Variants in PRTG observed in about 807,000 individuals in gnomAD.
The protein encoded by PRTG is immunoglobulin superfamily, DCC subclass, member 5.
Under a neutral mutation model 122.5 loss-of-function variants are expected in PRTG, and 67 were observed. The observed-to-expected ratio is 0.55, with a 90% CI of 0.45 to 0.67. The LOEUF (loss-of-function observed/expected upper bound fraction) is 0.67, where lower values mean the gene tolerates loss of function less well. Among genes scored for constraint, PRTG ranks in the 30% least tolerant of loss-of-function variants. The pLI is 0.00. For synonymous variants in PRTG, 554 were observed against 501.1 expected, an observed-to-expected ratio of 1.11 and a Z score of -1.41; for missense variants, 1,435 against 1,415.4, an observed-to-expected ratio of 1.01 and a Z score of -0.22.
intron 17 of PRTG, among the ~76,000 whole-genome samples, chr15:55,625,089 CT>C (rs2059187363): frequency 6.6e-6 from 1 of 151,932 alleles, no homozygotes; most frequent in Non-Finnish European, 1.5e-5. Context: ...TGGAGGGAGT[CT>C]AATGACGGGG....
Position 55,615,542 on chromosome 15 carries a change from A to G in PRTG, c.*4470T>C, listed in dbSNP as rs1024691304. On this transcript the variant is annotated 3_prime_UTR_variant, in exon 20 of 20. Transcript: ENST00000389286. The stretch of plus-strand genomic sequence containing the variant: ...TCTAAACATCAATAAAAAAATCACA[A>G]TTAGACAACTGGTTGTATATGGTAG... 1.3e-5 allele frequency: 2 copies of G among 152,274 alleles called. No homozygotes were observed. The highest frequency in any genetic ancestry group is 1.9e-4 in the East Asian group (1 of 5,184). The allele number at this position is 152,274 out of a possible 1,614,324, so 9.4% of individuals were successfully genotyped here. A position where few individuals can be genotyped will look rare whatever the true frequency, so the allele number is the denominator to read the frequency against.
chr15:55,626,609 T>A (rs1343130801), intron 17 of PRTG, among the ~76,000 whole-genome samples: 1 of 147,632 alleles, frequency 6.8e-6, no homozygotes, highest in African/African-American at 2.5e-5. Flanking sequence ...AAAAAAAAAA[T>A]TAGCTGGGCG....
chr15:55,707,360 C>T (rs1411303841), intron 2 of PRTG, among the ~76,000 whole-genome samples: 1 of 152,110 alleles, frequency 6.6e-6, no homozygotes, highest in East Asian at 1.9e-4. Context: ...AAATCAGATT[C>T]CCTAAAGGGT....
At chr15:55,646,612 G>A (rs961365268) in intron 11 of PRTG, among the ~76,000 whole-genome samples, 20 of 152,302 alleles carry the variant, frequency 1.3e-4, no homozygotes, top group African/African-American at 4.8e-4. Flanking sequence ...GTGAGCCACT[G>A]CACCCGGCTG....
intron 11 of PRTG, among the ~76,000 whole-genome samples, chr15:55,663,788 C>T (rs868732685): frequency 1.3e-5 from 2 of 152,122 alleles, no homozygotes; most frequent in Non-Finnish European, 2.9e-5. Flanking sequence ...GTGATCCACC[C>T]GCCTCGGCCT....
At chr15:55,626,966 T>G in intron 17 of PRTG, 42 bp downstream of exon 17, 2 of 1,547,036 alleles carry the variant, frequency 1.3e-6, no homozygotes, top group Non-Finnish European at 1.7e-6. Flanking sequence ...TACCGTAATT[T>G]AAATGTTTTT....
chr15:55,731,127 T>TTTTA (rs746461216), intron 2 of PRTG, among the ~76,000 whole-genome samples: 2 of 151,594 alleles, frequency 1.3e-5, no homozygotes, highest in African/African-American at 2.4e-5. Flanking sequence ...TTTGTCTCTC[T>TTTTA]TTTATTTATT....
At chr15:55,637,489 A>G (rs1168095248) in intron 14 of PRTG, 149 bp from the exon 15 acceptor site, 6 of 521,868 alleles carry the variant, frequency 1.1e-5, no homozygotes, top group African/African-American at 1.9e-5. Flanking sequence ...TGATAATACT[A>G]AAGTACCATT....
chr15:55,709,863 G>C (rs540240707), intron 2 of PRTG, among the ~76,000 whole-genome samples: 1 of 152,144 alleles, frequency 6.6e-6, no homozygotes, highest in African/African-American at 2.4e-5. Context: ...GGAGGAGGGA[G>C]GGACTCCAAA....
At chr15:55,645,572 G>C (rs1309988690) in intron 11 of PRTG, among the ~76,000 whole-genome samples, 1 of 151,716 alleles carries the variant, frequency 6.6e-6, no homozygotes, top group East Asian at 1.9e-4. Context: ...TAAGGATATA[G>C]GGTAAAAAAC....
intron 11 of PRTG, among the ~76,000 whole-genome samples, chr15:55,656,819 A>G (rs769082222): frequency 1.2e-4 from 18 of 152,198 alleles, no homozygotes; most frequent in Admixed American, 1.2e-3. Flanking sequence ...TAATTGTCTT[A>G]GTGGCCAATT....
At chr15:55,630,188 G>A (rs957230256) in intron 15 of PRTG, among the ~76,000 whole-genome samples, 4 of 152,002 alleles carry the variant, frequency 2.6e-5, no homozygotes, top group Non-Finnish European at 5.9e-5. Flanking sequence ...GGGTTTCACC[G>A]TGTTAGCCAG....
chr15:55,717,561 T>C lies in PRTG; in HGVS notation c.397+22821A>G, dbSNP rs2030645056. Among the ~76,000 whole-genome samples the C allele has an allele frequency of 2.0e-5, 3 of 152,358 alleles. 1 individual carries two copies. The South Asian group carries it at 6.2e-4, about 32-fold the overall frequency. ...TGGTGCTGAAGAAACTGCTCATAAA[T>C]GTATGTCAGTAATGAAGCAGAAATC... On this transcript the variant is annotated intron_variant, in intron 2 of 19. Transcript: ENST00000389286.
chr15:55,700,560 T>G (rs566094021), intron 2 of PRTG, among the ~76,000 whole-genome samples: 2 of 151,964 alleles, frequency 1.3e-5, no homozygotes, highest in South Asian at 2.1e-4. Context: ...GGTGGGAGGA[T>G]CACTTGAACC....
Position 55,716,626 on chromosome 15 carries a change from A to T in PRTG, c.397+23756T>A, listed in dbSNP as rs1336438088. On this transcript the variant is annotated intron_variant, in intron 2 of 19. Coordinates refer to ENST00000389286, the MANE Select transcript of PRTG (RefSeq NM_173814.6). ...TCCTTTATTTTCCCCCTAAATCACC[A>T]GACCATTAGGAGAAAAAAATTACTT... is the stretch of plus-strand genomic sequence containing the variant. Among the ~76,000 whole-genome samples the T allele has an allele frequency of 4.6e-5, 7 of 152,340 alleles. No individual in the cohort carries two copies. In the East Asian group the frequency reaches 1.3e-3, roughly 29 times the overall value.
chr15:55,620,322 C>G, intron 19 of PRTG, 56 bp from the exon 20 acceptor site: 1 of 1,585,752 alleles, frequency 6.3e-7, no homozygotes, highest in Non-Finnish European at 8.6e-7. Flanking sequence ...AATCCACGAG[C>G]AAAAGCTCAT....
intron 17 of PRTG, 67 bp from the exon 18 acceptor site, chr15:55,624,574 G>C (rs879462309): frequency 5.9e-6 from 8 of 1,358,604 alleles, no homozygotes; most frequent in Non-Finnish European, 8.0e-6. Flanking sequence ...GAACCACCTG[G>C]CCTATCAACA....
intron 8 of PRTG, among the ~76,000 whole-genome samples, 190 bp from the exon 9 acceptor site, chr15:55,675,873 G>C (rs528851330): frequency 9.1e-4 from 138 of 152,154 alleles, no homozygotes; most frequent in African/African-American, 3.2e-3. Flanking sequence ...CAAATTATTA[G>C]AGGACATTTT....
chr15:55,637,687 A>G (rs1422687738), intron 14 of PRTG, among the ~76,000 whole-genome samples: 1 of 152,102 alleles, frequency 6.6e-6, no homozygotes, highest in Non-Finnish European at 1.5e-5. Flanking sequence ...TAGTACTGAT[A>G]GTTCTTACTA....
Sources: gnomAD v4.1 joint callset for allele counts (sites outside exome capture counted in the v4.1 genomes callset) on GRCh38, gnomAD v4.1.1 for gene constraint, MANE v1.5 for transcripts, NCBI Gene and HGNC (gene_info 2026-07-23, HGNC 2026-07-21) for gene names.